ZBTB20: variants seen among roughly 807,000 people sequenced by gnomAD.
ZBTB20 encodes the protein zinc finger and BTB domain-containing protein 20.
ZBTB20 carries 9 observed loss-of-function variants against 56.9 expected under a neutral mutation model. That is an observed-to-expected ratio of 0.16 (90% CI 0.10 to 0.28). The LOEUF (loss-of-function observed/expected upper bound fraction) is 0.28, where lower values mean the gene tolerates loss of function less well. Among genes scored for constraint, ZBTB20 ranks in the 10% least tolerant of loss-of-function variants. ZBTB20 has a pLI of 1.00. For missense variants in ZBTB20, 655 were observed against 1,003.0 expected (o/e 0.65, Z 4.69); for synonymous variants, 417 against 420.7 (o/e 0.99, Z 0.11).
chr3:114,869,636 T>G (rs2107531176), intron 4 of ZBTB20, among the ~76,000 whole-genome samples: 1 of 152,284 alleles, frequency 6.6e-6, no homozygotes, highest in East Asian at 1.9e-4. Flanking sequence ...TTTTATATTT[T>G]CATCAAAAAA....
intron 6 of ZBTB20, among the ~76,000 whole-genome samples, chr3:114,624,361 A>C (rs577952878): frequency 1.4e-4 from 21 of 151,274 alleles, no homozygotes; most frequent in East Asian, 9.8e-4. Flanking sequence ...AGAGAAACAA[A>C]AAAAAAAAAA....
At chr3:115,112,246 T>A (rs2083899867) in intron 1 of ZBTB20, among the ~76,000 whole-genome samples, 1 of 152,344 alleles carries the variant, frequency 6.6e-6, no homozygotes, top group East Asian at 1.9e-4. Flanking sequence ...GCATAAAATG[T>A]GTAATGACAA....
chr3:114,916,310 CTTT>C (rs957704716), intron 3 of ZBTB20, among the ~76,000 whole-genome samples: 3 of 152,024 alleles, frequency 2.0e-5, no homozygotes, highest in African/African-American at 7.2e-5. Context: ...TAGTGACCTT[CTTT>C]ATCTCTTCTT....
chr3:114,469,231 T>C (rs1167665338), intron 7 of ZBTB20, among the ~76,000 whole-genome samples: 1 of 151,960 alleles, frequency 6.6e-6, no homozygotes, highest in Non-Finnish European at 1.5e-5. Context: ...AGGTAGAGAG[T>C]TAAGCAAATA....
chr3:114,895,261 C>A (rs146049237), intron 4 of ZBTB20, among the ~76,000 whole-genome samples: 2 of 152,138 alleles, frequency 1.3e-5, no homozygotes, highest in Admixed American at 1.3e-4. Flanking sequence ...GCTCACTAAA[C>A]CTGAGGCTGC....
chr3:114,476,520 T>A (rs1017675137), intron 7 of ZBTB20, among the ~76,000 whole-genome samples: 1 of 152,240 alleles, frequency 6.6e-6, no homozygotes, highest in Non-Finnish European at 1.5e-5. Flanking sequence ...GGTACTGGCA[T>A]CTGGTGAGGG....
At chr3:114,840,418 C>T (rs939466364) in intron 4 of ZBTB20, among the ~76,000 whole-genome samples, 2 of 152,192 alleles carry the variant, frequency 1.3e-5, no homozygotes, top group Non-Finnish European at 2.9e-5. Flanking sequence ...TTTTAACAAA[C>T]CTTTATTACA....
chr3:114,553,552 G>A (rs2050829305), intron 6 of ZBTB20, among the ~76,000 whole-genome samples: 1 of 151,960 alleles, frequency 6.6e-6, no homozygotes, highest in Admixed American at 6.6e-5. Flanking sequence ...CTTATTATTA[G>A]CCAGGTCCAG....
At chr3:114,950,610 T>C (rs55666611) in intron 3 of ZBTB20, among the ~76,000 whole-genome samples, 2,526 of 152,276 alleles carry the variant, frequency 0.017, 71 homozygotes, top group African/African-American at 0.058. Flanking sequence ...TTGAAAATTA[T>C]TTGGCACTAT....
rs142280046 is a variant in ZBTB20, at chr3:114,390,520, T to A, written c.-254-1415A>T. On this transcript the variant is annotated intron_variant, in intron 7 of 11. Coordinates refer to ENST00000675478, the MANE Select transcript of ZBTB20 (RefSeq NM_001348800.3). ...TTTTTTCCCCTATACCTCAGTCTGC[T>A]ATTCTGCCTTCTTCACTGGCTTATT... 1.5e-4 allele frequency among the ~76,000 whole-genome samples: 23 copies of A among 152,344 alleles called. No homozygotes were observed. In the East Asian group the frequency reaches 3.7e-3, roughly 24 times the overall value.
chr3:114,906,285 T>G (rs1262288562), intron 3 of ZBTB20, among the ~76,000 whole-genome samples: 1 of 151,814 alleles, frequency 6.6e-6, no homozygotes, highest in Admixed American at 6.6e-5. Context: ...CTAAAAAGTG[T>G]TTTCATTTGA....
intron 1 of ZBTB20, among the ~76,000 whole-genome samples, chr3:115,117,868 C>G (rs1349114985): frequency 6.6e-6 from 1 of 152,040 alleles, no homozygotes; most frequent in Non-Finnish European, 1.5e-5. Context: ...GAAAGATTAG[C>G]TTTTCATCTT....
At chr3:115,010,290 G>A (rs2079645635) in intron 2 of ZBTB20, among the ~76,000 whole-genome samples, 1 of 151,894 alleles carries the variant, frequency 6.6e-6, no homozygotes, top group East Asian at 2.0e-4. Flanking sequence ...CAGTAGCCAG[G>A]GAGCAGTTAC....
intron 2 of ZBTB20, among the ~76,000 whole-genome samples, chr3:114,976,290 A>G (rs2078095057): frequency 6.6e-6 from 1 of 152,188 alleles, no homozygotes; most frequent in Admixed American, 6.5e-5. Context: ...TAAGAATAAT[A>G]AGAAACCTGA....
intron 3 of ZBTB20, among the ~76,000 whole-genome samples, chr3:114,970,553 C>A (rs942829407): frequency 2.6e-5 from 4 of 152,090 alleles, no homozygotes; most frequent in Non-Finnish European, 5.9e-5. Context: ...AATTAATAAA[C>A]AGGTTTCCAA....
chr3:114,415,729 C>T (rs71321410), intron 7 of ZBTB20, among the ~76,000 whole-genome samples: 25 of 151,944 alleles, frequency 1.6e-4, no homozygotes, highest in Non-Finnish European at 2.9e-4. Flanking sequence ...AGAGAGAGCA[C>T]GGGGCTTGAT....
At chr3:115,117,318 T>G (rs894421637) in intron 1 of ZBTB20, among the ~76,000 whole-genome samples, 6 of 152,182 alleles carry the variant, frequency 3.9e-5, no homozygotes, top group African/African-American at 1.2e-4. Flanking sequence ...GAAAAAAGTT[T>G]AATTTTAACA....
At chr3:114,570,718 C>G (rs1183085410) in intron 6 of ZBTB20, among the ~76,000 whole-genome samples, 1 of 152,124 alleles carries the variant, frequency 6.6e-6, no homozygotes, top group Non-Finnish European at 1.5e-5. Context: ...ACTCTTCCTT[C>G]ACATTCATTC....
At chr3:114,566,618 A>G (rs1236108250) in intron 6 of ZBTB20, among the ~76,000 whole-genome samples, 1 of 152,110 alleles carries the variant, frequency 6.6e-6, no homozygotes, top group Non-Finnish European at 1.5e-5. Context: ...TCACCTCCCA[A>G]TCTAAGAGCT....
Sources: allele counts gnomAD v4.1 joint callset (sites outside exome capture counted in the v4.1 genomes callset), GRCh38; gene constraint gnomAD v4.1.1; transcripts MANE v1.5; gene names NCBI Gene and HGNC (gene_info 2026-07-23, HGNC 2026-07-21).